WDR47: variants seen among roughly 807,000 people sequenced by gnomAD.
The protein encoded by WDR47 is WD repeat-containing protein 47.
In WDR47, 32 loss-of-function variants were observed where a neutral mutation model predicts 97.2. The observed-to-expected ratio is 0.33, with a 90% confidence interval of 0.25 to 0.44. WDR47 has a LOEUF of 0.44. WDR47 is among the 20% of genes least tolerant of loss of function. The probability of loss-of-function intolerance (pLI) is 1.00; values close to 1 mark genes in which losing one functional copy is unlikely to be tolerated. For missense variants in WDR47, 782 were observed against 1,102.3 expected, an observed-to-expected ratio of 0.71 and a Z score of 4.11; for synonymous variants, 375 against 373.5, an observed-to-expected ratio of 1.00 and a Z score of -0.05.
At position 108,982,795 on chromosome 1, in the gene WDR47, G is replaced by GAATTA; in HGVS notation, c.2096-21_2096-17dup. The GAATTA allele has an allele frequency of 1.3e-6, 2 of 1,567,958 alleles. No individual in the cohort carries two copies. The highest frequency in any genetic ancestry group is 1.2e-5 in the South Asian group (1 of 83,526). On this transcript the variant is annotated splice_polypyrimidine_tract_variant and intron_variant, in intron 11 of 14. Transcript: ENST00000369962. The stretch of plus-strand genomic sequence containing the variant: ...AGATCTGGTCCTGAAACAGTAGTAA[G>GAATTA]AATTAAAAAAAAAAAATGCTGCTCA...
At chr1:109,030,469 G>A (rs898509476) in intron 1 of WDR47, 5 of 311,296 alleles carry the variant, frequency 1.6e-5, no homozygotes, top group Non-Finnish European at 2.8e-5. Flanking sequence ...AAACACAACA[G>A]GCCAAGAATT....
At chr1:109,009,230 T>C (rs1482898766) in intron 5 of WDR47, among the ~76,000 whole-genome samples, 1 of 152,226 alleles carries the variant, frequency 6.6e-6, no homozygotes. Context: ...TTTATTGAAG[T>C]CAACACTAAT....
rs144280380 is a variant in WDR47, at chr1:108,991,459, A to G, written c.1692-130T>C. ...AGCTGACTCCAAAGTTACTCTCTGG[A>G]GACATTTATTAAAATAAGCTCTGGA... On this transcript the variant is annotated intron_variant, in intron 8 of 14. Transcript: ENST00000369962. 1.9e-3 allele frequency: 1,250 copies of G among 664,130 alleles called. 6 individuals are homozygous for G. The African/African-American group carries it at 0.019, about 10-fold the overall frequency. The allele number at this position is 664,130 out of a possible 1,614,324, so 41.1% of individuals were successfully genotyped here.
At chr1:108,981,301 T>C (rs1214507104) in intron 13 of WDR47, among the ~76,000 whole-genome samples, 1 of 152,040 alleles carries the variant, frequency 6.6e-6, no homozygotes, top group Non-Finnish European at 1.5e-5. Context: ...TTAGGGTACA[T>C]ACAAACTTTC....
Position 108,999,392 on chromosome 1 carries a change from C to A in WDR47, c.1433+2832G>T, listed in dbSNP as rs529064940. Among the ~76,000 whole-genome samples, 40 of 151,894 alleles carry A rather than the reference C, an allele frequency of 2.6e-4. 1 individual carries two copies. Among genetic ancestry groups the A allele is most frequent in the African/African-American group, 9.7e-4 (40 of 41,428 alleles). Reference sequence around the variant, plus strand: ...AAACAATAAATACACTCTAAACAAACCTAAATTACAAGACAGAATTTAAAT... The same window carrying A: ...AAACAATAAATACACTCTAAACAAAACTAAATTACAAGACAGAATTTAAAT... On this transcript the variant is annotated intron_variant, in intron 7 of 14. Transcript: ENST00000369962.
At chr1:109,005,182 G>A (rs753550802) in intron 5 of WDR47, among the ~76,000 whole-genome samples, 10 of 151,804 alleles carry the variant, frequency 6.6e-5, no homozygotes, top group African/African-American at 1.5e-4. Context: ...CAGGCAGCTC[G>A]CTTGAGCTAA....
chr1:109,038,001 AT>A (rs1326240005), intron 1 of WDR47, among the ~76,000 whole-genome samples: 7 of 147,846 alleles, frequency 4.7e-5, no homozygotes, highest in East Asian at 4.0e-4. Flanking sequence ...CTCAGCTAGC[AT>A]TTTTTTTTTA....
At chr1:109,013,951 T>C (rs767652705) in intron 3 of WDR47, 26 bp from the exon 4 acceptor site, 2 of 1,551,348 alleles carry the variant, frequency 1.3e-6, no homozygotes, top group Non-Finnish European at 1.8e-6. Context: ...GAAGCATTAA[T>C]TTTTCCAATG....
At chr1:109,012,235 C>T (rs1291488265) in intron 4 of WDR47, among the ~76,000 whole-genome samples, 1 of 151,994 alleles carries the variant, frequency 6.6e-6, no homozygotes, top group Non-Finnish European at 1.5e-5. Flanking sequence ...GCAAAAGAGC[C>T]ACTCTGTTAG....
chr1:109,011,232 G>A lies in WDR47; in HGVS notation c.814C>T (p.Leu272Phe), dbSNP rs1322121250. 6.2e-7 allele frequency: 1 copy of A among 1,614,152 alleles called. No individual in the cohort carries two copies. Among genetic ancestry groups the A allele is most frequent in the Admixed American group, 1.7e-5 (1 of 60,018 alleles). Residue 272 changes from leucine to phenylalanine, a missense_variant, in exon 5 of 15, where the codon CTT (leucine) becomes TTT (phenylalanine). Physicochemically the swap from Leu to Phe is conservative, Grantham distance 22. Coordinates refer to ENST00000369962, the MANE Select transcript of WDR47 (RefSeq NM_001142551.2). ...TATGCAGCTTTTGTAGGTTTCAGAA[G>A]TTTGTCAACATGAATATTAAGCATT... Reference protein sequence around the residue: ...QKMLNIHVDKLLKPTKAAYAD... With the variant: ...QKMLNIHVDKFLKPTKAAYAD...
At position 109,011,517 on chromosome 1, in the gene WDR47, G is replaced by A. The variant is rs1183348836; in HGVS notation, c.529C>T (p.Pro177Ser). ...EACVMVAEFIPADRKLSEAGF... is the reference protein window; with the variant it reads ...EACVMVAEFISADRKLSEAGF... ...GCTTCACTTAGCTTCCTATCAGCAG[G>A]GATGAATTCTGCAACCATGACACAA... The change falls in exon 5 of 15, where the codon CCT (proline) becomes TCT (serine). Residue 177 changes from proline (P) to serine (S), a missense_variant. By Grantham distance (74) the Pro-to-Ser change is moderately conservative (BLOSUM62 -1). This residue lies in a region of WDR47 where 428 missense variants were observed against 584.3 expected (regional missense o/e 0.73). Coordinates refer to ENST00000369962, the MANE Select transcript of WDR47 (RefSeq NM_001142551.2). 6.2e-7 allele frequency: 1 copy of A among 1,614,138 alleles called. No homozygotes were observed. Among genetic ancestry groups the A allele is most frequent in the Admixed American group, 1.7e-5 (1 of 60,006 alleles).
At position 109,011,640 on chromosome 1, in the gene WDR47, T is replaced by C. The variant is rs1430303353; in HGVS notation, c.406A>G (p.Lys136Glu). 9.3e-6 allele frequency: 15 copies of C among 1,614,084 alleles called. No homozygotes were observed. Among genetic ancestry groups the C allele is most frequent in the Non-Finnish European group, 1.3e-5 (15 of 1,180,048 alleles). The change falls in exon 5 of 15, where the codon AAG becomes GAG. Residue 136 changes from lysine to glutamate, a missense_variant. Coordinates refer to ENST00000369962, the MANE Select transcript of WDR47 (RefSeq NM_001142551.2). The stretch of plus-strand genomic sequence containing the variant: ...GGCAAAGTCAAAAGCAAACAGAGCT[T>C]ACTATAGTCATCTTTAGAAGGACAG... ...EYCPSKDDYS[K>E]LCLLLTLPRL...
Position 108,986,573 on chromosome 1 carries a change from T to C in WDR47, c.1875A>G (p.Ser625=), listed in dbSNP as rs1383926547. The change falls in exon 10 of 15, where the codon TCA becomes TCG. Residue 625 remains serine, a synonymous_variant. Coordinates refer to ENST00000369962, the MANE Select transcript of WDR47 (RefSeq NM_001142551.2). ...CACATACTCTCAGAGTTTTTGAATT[T>C]GAACCAACAGCATATAAACCTCCAG... The part of the protein sequence containing the change: ...HPAGGLYAVG[S]NSKTLRVCAY... The C allele has an allele frequency of 2.5e-6, 4 of 1,613,836 alleles. No individual in the cohort carries two copies. Among genetic ancestry groups the C allele is most frequent in the Non-Finnish European group, 3.4e-6 (4 of 1,179,840 alleles).
intron 8 of WDR47, 131 bp downstream of exon 8, chr1:108,995,449 A>G: frequency 9.9e-7 from 1 of 1,014,004 alleles, no homozygotes; most frequent in South Asian, 1.6e-5. Context: ...AAATGAAGGC[A>G]GATTAGGAAA....
In WDR47 at chr1:109,004,751, GA is replaced by G. The variant is rs1174303554; in HGVS notation, c.1131-37del. 4 of 1,561,734 alleles carry G rather than the reference GA, an allele frequency of 2.6e-6. No individual in the cohort carries two copies. In the African/African-American group the frequency reaches 5.5e-5, roughly 22 times the overall value. ...AAACGTGCAAAAAAACAAAAAGGCAGAGGGGGGAGTAAAGGAAAATATATTT... is the reference window on the plus strand; with the variant it reads ...AAACGTGCAAAAAAACAAAAAGGCAGGGGGGGAGTAAAGGAAAATATATTT... On this transcript the variant is annotated intron_variant, in intron 5 of 14. Transcript: ENST00000369962.
chr1:108,977,697 C>T (rs1658016801), intron 13 of WDR47, among the ~76,000 whole-genome samples: 1 of 152,080 alleles, frequency 6.6e-6, no homozygotes, highest in African/African-American at 2.4e-5. Context: ...ACTAAAAATA[C>T]AAAAATGAGC....
At chr1:109,034,054 C>T (rs1455550786) in intron 1 of WDR47, among the ~76,000 whole-genome samples, 3 of 152,194 alleles carry the variant, frequency 2.0e-5, no homozygotes, top group Admixed American at 6.5e-5. Flanking sequence ...TTTGGGAGGC[C>T]GAAGTGGGTG....
intron 5 of WDR47, among the ~76,000 whole-genome samples, chr1:109,009,568 A>G (rs1042670863): frequency 2.0e-5 from 3 of 152,362 alleles, no homozygotes; most frequent in Admixed American, 2.0e-4. Flanking sequence ...ATAGTCATAC[A>G]ATGAAATACT....
intron 8 of WDR47, among the ~76,000 whole-genome samples, chr1:108,994,095 G>A (rs1659576725): frequency 6.6e-6 from 1 of 152,130 alleles, no homozygotes; most frequent in African/African-American, 2.4e-5. Context: ...AGAATCAACA[G>A]ATAGCAAAAA....
Sources: gnomAD v4.1 joint callset for allele counts (sites outside exome capture counted in the v4.1 genomes callset) on GRCh38, gnomAD v4.1.1 for gene constraint, gnomAD v4.1.1 regional missense constraint, MANE v1.5 for transcripts, NCBI Gene and HGNC (gene_info 2026-07-23, HGNC 2026-07-21) for gene names.